The following DOCK4 variants were observed in gnomAD, a reference collection of about 807,000 sequenced individuals.
The protein encoded by DOCK4 is dedicator of cytokinesis 4, also known as dedicator of cytokinesis protein 4.
In DOCK4, 97 loss-of-function variants were observed where a neutral mutation model predicts 268.1. That is an observed-to-expected ratio of 0.36 (90% CI 0.31 to 0.43). The LOEUF (loss-of-function observed/expected upper bound fraction) is 0.43. Ranked by LOEUF, DOCK4 falls within the 20% of genes least tolerant of loss-of-function variation. The probability of loss-of-function intolerance (pLI) is 1.00; values close to 1 mark genes in which losing one functional copy is unlikely to be tolerated. For synonymous variants in DOCK4, 954 were observed against 887.2 expected, an observed-to-expected ratio of 1.08 and a Z score of -1.34; for missense variants, 2,145 against 2,455.7, an observed-to-expected ratio of 0.87 and a Z score of 2.67.
At chr7:111,905,354 A>T (rs996074967) in intron 13 of DOCK4, among the ~76,000 whole-genome samples, 1 of 152,182 alleles carries the variant, frequency 6.6e-6, no homozygotes, top group Non-Finnish European at 1.5e-5. Flanking sequence ...TAAAAATTTG[A>T]TGTGCACCAC....
At chr7:111,884,881 C>T (rs983314405) in intron 16 of DOCK4, among the ~76,000 whole-genome samples, 1 of 152,150 alleles carries the variant, frequency 6.6e-6, no homozygotes, top group Non-Finnish European at 1.5e-5. Flanking sequence ...AGAAGGTAGA[C>T]TTGTAAGGCA....
chr7:111,746,425 G>A lies in DOCK4; in HGVS notation c.4594-8C>T, dbSNP rs1178338188. Reference sequence around the variant, plus strand: ...TTCTTTGACAAAGAATGCCTAGTAAGGGAAAGGAGAATCAGTCTACTTTAG... The same window carrying A: ...TTCTTTGACAAAGAATGCCTAGTAAAGGAAAGGAGAATCAGTCTACTTTAG... On this transcript the variant is annotated splice_region_variant and splice_polypyrimidine_tract_variant and intron_variant, in intron 43 of 52. Transcript: ENST00000428084. The A allele has an allele frequency of 2.5e-6, 4 of 1,597,992 alleles. No individual in the cohort carries two copies. Among genetic ancestry groups the A allele is most frequent in the Middle Eastern group, 1.7e-4 (1 of 6,032 alleles).
chr7:112,059,873 C>G (rs73434630), intron 1 of DOCK4, among the ~76,000 whole-genome samples: 1 of 152,134 alleles, frequency 6.6e-6, no homozygotes, highest in African/African-American at 2.4e-5. Context: ...TTACTGCTCT[C>G]AAAGTCTATA....
At chr7:112,074,135 T>C (rs1316865668) in intron 1 of DOCK4, among the ~76,000 whole-genome samples, 1 of 152,178 alleles carries the variant, frequency 6.6e-6, no homozygotes, top group African/African-American at 2.4e-5. Context: ...TAAATGACTT[T>C]CACGTTAAAA....
chr7:112,028,211 A>G (rs1802976434), intron 1 of DOCK4, among the ~76,000 whole-genome samples: 1 of 152,226 alleles, frequency 6.6e-6, no homozygotes, highest in African/African-American at 2.4e-5. Flanking sequence ...CTTTTTAAAA[A>G]GATTAACCTG....
At chr7:112,022,893 C>T (rs1350060674) in intron 1 of DOCK4, among the ~76,000 whole-genome samples, 1 of 152,110 alleles carries the variant, frequency 6.6e-6, no homozygotes, top group Non-Finnish European at 1.5e-5. Context: ...ATTCAAGTAC[C>T]ACTTCAATCA....
chr7:111,764,294 A>G (rs1563471674), intron 39 of DOCK4, among the ~76,000 whole-genome samples: 1 of 152,240 alleles, frequency 6.6e-6, no homozygotes, highest in Non-Finnish European at 1.5e-5. Flanking sequence ...TTCTTCTCCA[A>G]GTACACCCAT....
chr7:112,080,527 T>C (rs1209010215), intron 1 of DOCK4, among the ~76,000 whole-genome samples: 1 of 152,228 alleles, frequency 6.6e-6, no homozygotes, highest in Non-Finnish European at 1.5e-5. Context: ...AATTCTTCTT[T>C]CCTGACACGT....
intron 1 of DOCK4, among the ~76,000 whole-genome samples, chr7:112,157,874 A>G (rs1160210296): frequency 1.3e-5 from 2 of 152,202 alleles, no homozygotes; most frequent in African/African-American, 4.8e-5. Flanking sequence ...ACCAATGACA[A>G]TGATTTTAAG....
At chr7:111,880,303 GA>G (rs994531101) in intron 16 of DOCK4, among the ~76,000 whole-genome samples, 4 of 152,100 alleles carry the variant, frequency 2.6e-5, no homozygotes, top group African/African-American at 9.7e-5. Flanking sequence ...AAAGGGGAAA[GA>G]AAAACAAACA....
chr7:111,785,031 CAAGT>C (rs1799067798), intron 32 of DOCK4, among the ~76,000 whole-genome samples: 1 of 152,132 alleles, frequency 6.6e-6, no homozygotes, highest in Admixed American at 6.5e-5. Context: ...TGTTCTCTCC[CAAGT>C]TTTCTCTCCA....
intron 23 of DOCK4, among the ~76,000 whole-genome samples, chr7:111,855,864 G>A (rs1285712111): frequency 2.0e-5 from 3 of 152,146 alleles, no homozygotes; most frequent in African/African-American, 7.2e-5. Flanking sequence ...ATATAATACT[G>A]TGGAGTCTGT....
intron 25 of DOCK4, among the ~76,000 whole-genome samples, chr7:111,835,540 A>G (rs1317808560): frequency 6.6e-6 from 1 of 152,216 alleles, no homozygotes; most frequent in African/African-American, 2.4e-5. Flanking sequence ...CTAATTTAAA[A>G]TGCTTGCATT....
intron 42 of DOCK4, among the ~76,000 whole-genome samples, chr7:111,752,927 T>G (rs113515284): frequency 0.012 from 1,843 of 148,230 alleles, 21 homozygotes; most frequent in Middle Eastern, 0.042. Context: ...ACACTTTTTT[T>G]GGGTTTTGAA....
chr7:111,930,623 G>C (rs781090190), intron 12 of DOCK4, among the ~76,000 whole-genome samples: 2 of 152,202 alleles, frequency 1.3e-5, no homozygotes, highest in African/African-American at 4.8e-5. Context: ...GTGGTCCAGA[G>C]AGAAAACAGC....
At chr7:112,058,217 C>A (rs910714963) in intron 1 of DOCK4, among the ~76,000 whole-genome samples, 5 of 151,802 alleles carry the variant, frequency 3.3e-5, no homozygotes, top group Admixed American at 6.6e-5. Context: ...TTCTCTTTAT[C>A]CACACCATGG....
chr7:112,124,255 A>G (rs2115957928), intron 1 of DOCK4, among the ~76,000 whole-genome samples: 1 of 152,292 alleles, frequency 6.6e-6, no homozygotes, highest in South Asian at 2.1e-4. Flanking sequence ...TCCTGGTCTC[A>G]AGCGATCCTC....
intron 36 of DOCK4, among the ~76,000 whole-genome samples, chr7:111,771,418 T>C (rs938711128): frequency 6.6e-6 from 1 of 152,180 alleles, no homozygotes; most frequent in Admixed American, 6.5e-5. Flanking sequence ...ATGCCTTCTG[T>C]TGCATGCACT....
At chr7:111,808,931 G>A (rs2133896267) in intron 29 of DOCK4, 52 bp from the exon 30 acceptor site, 1 of 1,566,506 alleles carries the variant, frequency 6.4e-7, no homozygotes, top group Non-Finnish European at 8.7e-7. Context: ...GAACAAGGAA[G>A]TATTTGTGTG....
Sources: gnomAD v4.1 joint callset for allele counts (sites outside exome capture counted in the v4.1 genomes callset) on GRCh38, gnomAD v4.1.1 for gene constraint, MANE v1.5 for transcripts, NCBI Gene and HGNC (gene_info 2026-07-23, HGNC 2026-07-21) for gene names.